Variants in C1QBP observed in about 807,000 individuals in gnomAD.
The protein encoded by C1QBP is complement C1q binding protein.
Under a neutral mutation model 29.4 loss-of-function variants are expected in C1QBP, and 24 were observed. The observed-to-expected ratio is 0.82, with a 90% CI of 0.59 to 1.15. The LOEUF (loss-of-function observed/expected upper bound fraction) is 1.15, where lower values mean the gene tolerates loss of function less well. C1QBP is among the 50% of genes most tolerant of loss of function. The pLI is 0.00. For synonymous variants in C1QBP, 182 were observed against 149.2 expected (o/e 1.22, Z -1.60); for missense variants, 337 against 355.8 (o/e 0.95, Z 0.43).
intron 2 of C1QBP, among the ~76,000 whole-genome samples, chr17:5,436,673 T>C (rs77568971): frequency 0.014 from 2,167 of 151,738 alleles, 38 homozygotes; most frequent in Middle Eastern, 0.034. Context: ...AAATCATTAA[T>C]TTGATAAGAT....
chr17:5,438,708 C>T, intron 1 of C1QBP, 134 bp downstream of exon 1: 2 of 1,531,140 alleles, frequency 1.3e-6, no homozygotes, highest in South Asian at 2.4e-5. Flanking sequence ...TATGATCATA[C>T]GTGGGTTTAG....
At chr17:5,433,866 G>T in intron 3 of C1QBP, 99 bp from the exon 4 acceptor site, 1 of 1,018,826 alleles carries the variant, frequency 9.8e-7, no homozygotes, top group South Asian at 1.3e-5. Context: ...CCACTATTAG[G>T]ATATTATGTA....
chr17:5,433,115 T>G lies in C1QBP; in HGVS notation c.749A>C (p.Asn250Thr), dbSNP rs201134652. The change falls in exon 6 of 6, where the codon AAC becomes ACC. Residue 250 changes from asparagine to threonine, a missense_variant. Physicochemically the swap from Asn to Thr is moderately conservative, Grantham distance 65. Transcript: ENST00000225698. ...MDFLADRGVD[N>T]TFADELVELS... is the part of the protein sequence containing the mutation. ...CTCCACCAGCTCATCTGCAAAAGTG[T>G]TGTCCACCCCTCGGTCGGCAAGGAA... 1 of 1,614,060 alleles carries G rather than the reference T, an allele frequency of 6.2e-7. No homozygotes were observed. The highest frequency in any genetic ancestry group is 1.3e-5 in the African/African-American group (1 of 74,904).
intron 2 of C1QBP, among the ~76,000 whole-genome samples, chr17:5,436,542 A>AT (rs1287938075): frequency 7.2e-5 from 11 of 151,730 alleles, no homozygotes; most frequent in Admixed American, 6.6e-4. Flanking sequence ...AAATAAATAA[A>AT]AAAGCACAAG....
chr17:5,437,166 C>T (rs551811866), intron 2 of C1QBP, among the ~76,000 whole-genome samples: 3 of 152,264 alleles, frequency 2.0e-5, no homozygotes, highest in African/African-American at 7.2e-5. Flanking sequence ...CAACAGTGTT[C>T]TAGAATTAGG....
chr17:5,438,143 C>A lies in C1QBP; in HGVS notation c.363G>T (p.Val121=), dbSNP rs1916325585. 1.2e-6 allele frequency: 2 copies of A among 1,612,484 alleles called. No individual in the cohort carries two copies. Among genetic ancestry groups the A allele is most frequent in the Non-Finnish European group, 1.7e-6 (2 of 1,179,982 alleles). ...CTTACTTTTCCCCGGCAACTTTCCGCACTAATTTCGCTTCTGTCCCATTCA... is the reference window on the plus strand; with the variant it reads ...CTTACTTTTCCCCGGCAACTTTCCGAACTAATTTCGCTTCTGTCCCATTCA... ...LELNGTEAKL[V]RKVAGEKITV... Residue 121 remains valine, a synonymous_variant, in exon 2 of 6, where the codon GTG becomes GTT. Transcript: ENST00000225698.
Position 5,438,130 on chromosome 17 carries a change from C to T in C1QBP, c.376G>A (p.Gly126Arg), listed in dbSNP as rs375707807. The T allele has an allele frequency of 1.2e-5, 20 of 1,611,972 alleles. No individual in the cohort carries two copies. The African/African-American group carries it at 2.4e-4, about 19-fold the overall frequency. Reference protein sequence around the residue: ...TEAKLVRKVAGEKITVTFNIN... With the variant: ...TEAKLVRKVAREKITVTFNIN... ...CCCCAGACCAGTACTTACTTTTCCC[C>T]GGCAACTTTCCGCACTAATTTCGCT... Residue 126 changes from glycine (G) to arginine (R), a missense_variant, in exon 2 of 6, where the codon GGG becomes AGG. Transcript: ENST00000225698.
intron 1 of C1QBP, 99 bp from the exon 2 acceptor site, chr17:5,438,372 A>C (rs1916331335): frequency 7.2e-7 from 1 of 1,380,566 alleles, no homozygotes; most frequent in Admixed American, 2.3e-5. Context: ...GACTGTTTCT[A>C]ATCTCTCTGC....
Position 5,435,864 on chromosome 17 carries a change from C to T in C1QBP, c.384-898G>A, listed in dbSNP as rs570925936. Among the ~76,000 whole-genome samples the T allele has an allele frequency of 2.5e-4, 21 of 84,132 alleles. No homozygotes were observed. The East Asian group carries it at 8.4e-3, about 34-fold the overall frequency. The allele number at this position is 84,132 out of a possible 152,430, so 55.2% of individuals were successfully genotyped here. ...CCAACACGATGAAACTCCATCTCTA[C>T]TAAAAAATACAAAAAAAAAAAAAAA... On this transcript the variant is annotated intron_variant, in intron 2 of 5. Coordinates refer to ENST00000225698, the MANE Select transcript of C1QBP (RefSeq NM_001212.4).
At position 5,436,830 on chromosome 17, in the gene C1QBP, C is replaced by T. The variant is rs148787134; in HGVS notation, c.383+1293G>A. On this transcript the variant is annotated intron_variant, in intron 2 of 5. Transcript: ENST00000225698. ...GTCAGGACTTTGAGACCAGCCTGGCCAACACGGTGAAACCCTGTCTCTACT... is the reference window on the plus strand; with the variant it reads ...GTCAGGACTTTGAGACCAGCCTGGCTAACACGGTGAAACCCTGTCTCTACT... 5.4e-3 allele frequency among the ~76,000 whole-genome samples: 818 copies of T among 152,214 alleles called. 1 individual carries two copies. Among genetic ancestry groups the T allele is most frequent in the African/African-American group, 0.017 (696 of 41,532 alleles).
chr17:5,438,817 A>ACACCCCCGGCCCGCTAAACCT (rs1197848800), intron 1 of C1QBP, 25 bp downstream of exon 1: 1 of 1,547,242 alleles, frequency 6.5e-7, no homozygotes, highest in African/African-American at 1.4e-5. Context: ...AACGCAAACC[A>ACACCCCCGGCCCGCTAAACCT]CACCCCCGGC....
At chr17:5,436,844 C>T (rs552731816) in intron 2 of C1QBP, among the ~76,000 whole-genome samples, 1 of 152,094 alleles carries the variant, frequency 6.6e-6, no homozygotes, top group African/African-American at 2.4e-5. Context: ...ACGGTGAAAC[C>T]CTGTCTCTAC....
chr17:5,434,914 C>A lies in C1QBP; in HGVS notation c.436G>T (p.Glu146Ter). 6.2e-7 allele frequency: 1 copy of A among 1,614,150 alleles called. No homozygotes were observed. Among genetic ancestry groups the A allele is most frequent in the Non-Finnish European group, 8.5e-7 (1 of 1,179,988 alleles). Residue 146 changes from glutamate (E) to a stop codon, truncating the protein, a stop_gained, in exon 3 of 6, where the codon GAG (glutamate) becomes TAG (stop). Coordinates refer to ENST00000225698, the MANE Select transcript of C1QBP (RefSeq NM_001212.4). LOFTEE classifies it high-confidence loss of function. Reference sequence around the variant, plus strand: ...TTCTGCCCTTGCGAGGGTTCCTCCTCACCATCAAATGTTGGTGGGATGCTG... The same window carrying A: ...TTCTGCCCTTGCGAGGGTTCCTCCTAACCATCAAATGTTGGTGGGATGCTG... Reference protein sequence around the residue: ...NNSIPPTFDGEEEPSQGQKVE... With the variant: ...NNSIPPTFDG
At position 5,439,063 on chromosome 17, in the gene C1QBP, A is replaced by C; in HGVS notation, c.11T>G (p.Leu4Arg). Residue 4 changes from leucine (L) to arginine (R), a missense_variant, in exon 1 of 6, where the codon CTG becomes CGG. By Grantham distance (102) the Leu-to-Arg change is moderately radical. Coordinates refer to ENST00000225698, the MANE Select transcript of C1QBP (RefSeq NM_001212.4). Reference protein sequence around the residue: MLPLLRCVPRVLGS... With the variant: MLPRLRCVPRVLGS... ...CAGCACACGGGGCACGCAGCGCAGC[A>C]GAGGCAGCATCGCGGAAACGACTGC... 6.5e-7 allele frequency: 1 copy of C among 1,539,172 alleles called. No individual in the cohort carries two copies. The highest frequency in any genetic ancestry group is 1.4e-5 in the African/African-American group (1 of 71,306).
rs1300123340 is a variant in C1QBP, at chr17:5,439,075, G to A, written c.-2C>T. 3.2e-6 allele frequency: 5 copies of A among 1,540,164 alleles called. No homozygotes were observed. The highest frequency in any genetic ancestry group is 3.9e-5 in the Admixed American group (2 of 50,674). ...CACGCAGCGCAGCAGAGGCAGCATC[G>A]CGGAAACGACTGCGAACACGTGCAG... is the stretch of plus-strand genomic sequence containing the variant. On this transcript the variant is annotated 5_prime_UTR_variant, in exon 1 of 6. Transcript: ENST00000225698.
At chr17:5,438,303 G>T (rs1419715046) in intron 1 of C1QBP, 30 bp from the exon 2 acceptor site, 5 of 1,608,196 alleles carry the variant, frequency 3.1e-6, no homozygotes, top group Non-Finnish European at 4.2e-6. Context: ...ACATAAAAAG[G>T]AAAGCCAGTT....
chr17:5,435,837 G>A (rs1916254078), intron 2 of C1QBP, among the ~76,000 whole-genome samples: 1 of 144,154 alleles, frequency 6.9e-6, no homozygotes, highest in South Asian at 2.2e-4. Flanking sequence ...AGACCATCCT[G>A]GCCAACACGA....
At chr17:5,434,427 C>T (rs1300602371) in intron 3 of C1QBP, among the ~76,000 whole-genome samples, 2 of 149,742 alleles carry the variant, frequency 1.3e-5, no homozygotes, top group Non-Finnish European at 3.0e-5. Flanking sequence ...AGGCATGATC[C>T]AGTTAAAGTC....
Position 5,439,079 on chromosome 17 carries a change from A to T in C1QBP, c.-6T>A, listed in dbSNP as rs1487467085. On this transcript the variant is annotated 5_prime_UTR_variant, in exon 1 of 6. Transcript: ENST00000225698. The stretch of plus-strand genomic sequence containing the variant: ...CAGCGCAGCAGAGGCAGCATCGCGG[A>T]AACGACTGCGAACACGTGCAGATGC... 2.6e-6 allele frequency: 4 copies of T among 1,540,342 alleles called. No individual in the cohort carries two copies. The highest frequency in any genetic ancestry group is 3.5e-6 in the Non-Finnish European group (4 of 1,143,220).
Sources: allele counts gnomAD v4.1 joint callset (sites outside exome capture counted in the v4.1 genomes callset), GRCh38; gene constraint gnomAD v4.1.1; transcripts MANE v1.5; gene names NCBI Gene and HGNC (gene_info 2026-07-23, HGNC 2026-07-21).